PRICKLE2: variants seen among roughly 807,000 people sequenced by gnomAD.
PRICKLE2 encodes prickle planar cell polarity protein 2.
PRICKLE2 carries 21 observed loss-of-function variants against 81.4 expected under a neutral mutation model. That is an observed-to-expected ratio of 0.26 (90% CI 0.18 to 0.37). PRICKLE2 has a LOEUF of 0.37. Among genes scored for constraint, PRICKLE2 ranks in the 10% least tolerant of loss-of-function variants. PRICKLE2 has a pLI of 1.00. For synonymous variants in PRICKLE2, 456 were observed against 421.5 expected, an observed-to-expected ratio of 1.08 and a Z score of -1.00; for missense variants, 940 against 1,109.0, an observed-to-expected ratio of 0.85 and a Z score of 2.16.
At chr3:64,202,208 T>C (rs1390117001) in intron 1 of PRICKLE2, among the ~76,000 whole-genome samples, 1 of 152,230 alleles carries the variant, frequency 6.6e-6, no homozygotes, top group Non-Finnish European at 1.5e-5. Context: ...AAAAAACTGT[T>C]TTGGCTCTTC....
intron 2 of PRICKLE2, among the ~76,000 whole-genome samples, chr3:64,185,666 C>G (rs1490764012): frequency 6.6e-6 from 1 of 152,194 alleles, no homozygotes; most frequent in African/African-American, 2.4e-5. Context: ...AAAGACTTAG[C>G]TACTCCCTGA....
chr3:64,122,519 A>G (rs1409617711), intron 7 of PRICKLE2, among the ~76,000 whole-genome samples: 1 of 152,208 alleles, frequency 6.6e-6, no homozygotes, highest in Non-Finnish European at 1.5e-5. Flanking sequence ...GATCCAAAAA[A>G]TGACTGCTTT....
intron 2 of PRICKLE2, among the ~76,000 whole-genome samples, chr3:64,181,287 A>G (rs2078128656): frequency 6.6e-6 from 1 of 152,114 alleles, no homozygotes; most frequent in African/African-American, 2.4e-5. Flanking sequence ...AACAATTGTG[A>G]GAGACAAGCA....
At chr3:64,130,377 G>A (rs754010135) in intron 7 of PRICKLE2, among the ~76,000 whole-genome samples, 17 of 152,216 alleles carry the variant, frequency 1.1e-4, no homozygotes, top group Admixed American at 9.2e-4. Context: ...TAACTTGCCC[G>A]CGGCCACAGA....
intron 7 of PRICKLE2, among the ~76,000 whole-genome samples, chr3:64,130,808 G>A (rs1329400658): frequency 1.3e-5 from 2 of 152,138 alleles, no homozygotes; most frequent in Non-Finnish European, 2.9e-5. Flanking sequence ...TTGGGGGTGG[G>A]GTCCAGGTAT....
At chr3:64,132,407 G>A (rs1379016963) in intron 7 of PRICKLE2, among the ~76,000 whole-genome samples, 3 of 152,158 alleles carry the variant, frequency 2.0e-5, no homozygotes, top group South Asian at 4.1e-4. Flanking sequence ...CTGCTAGGCT[G>A]CAGCTTGGCT....
intron 2 of PRICKLE2, among the ~76,000 whole-genome samples, chr3:64,256,225 C>T (rs1385593587): frequency 6.6e-6 from 1 of 152,062 alleles, no homozygotes; most frequent in Non-Finnish European, 1.5e-5. Context: ...TCTATATGGC[C>T]CAGGAGCTAA....
Position 64,157,156 on chromosome 3 carries a change from T to C in PRICKLE2, c.600+6A>G, listed in dbSNP as rs1351160159. Reference sequence around the variant, plus strand: ...GGCAGGTAAACCTGCTGGAGTTTGCTCTAACCTCATCGCAGGCAGCACAGC... The same window carrying C: ...GGCAGGTAAACCTGCTGGAGTTTGCCCTAACCTCATCGCAGGCAGCACAGC... On this transcript the variant is annotated splice_donor_region_variant and intron_variant, in intron 5 of 7. Coordinates refer to ENST00000638394, the MANE Select transcript of PRICKLE2 (RefSeq NM_198859.4). The C allele has an allele frequency of 6.2e-7, 1 of 1,613,634 alleles. No homozygotes were observed. The highest frequency in any genetic ancestry group is 8.5e-7 in the Non-Finnish European group (1 of 1,179,674).
intron 3 of PRICKLE2, among the ~76,000 whole-genome samples, chr3:64,162,413 C>T (rs562997529): frequency 3.3e-5 from 5 of 152,106 alleles, no homozygotes; most frequent in Admixed American, 6.5e-5. Context: ...AAGAGATGCC[C>T]GCTTACAGTG....
chr3:64,110,772 G>A (rs1210172290), intron 7 of PRICKLE2, among the ~76,000 whole-genome samples: 2 of 151,958 alleles, frequency 1.3e-5, no homozygotes, highest in South Asian at 2.1e-4. Context: ...GAGCAAGGAG[G>A]ACAGCAGCAG....
At chr3:64,265,186 A>G (rs929906980) in intron 2 of PRICKLE2, among the ~76,000 whole-genome samples, 3 of 152,208 alleles carry the variant, frequency 2.0e-5, no homozygotes, top group Admixed American at 6.5e-5. Flanking sequence ...AACAAACAAA[A>G]AAAACTGAAT....
intron 1 of PRICKLE2, among the ~76,000 whole-genome samples, chr3:64,205,766 T>A (rs2078677216): frequency 6.6e-6 from 1 of 152,178 alleles, no homozygotes; most frequent in Non-Finnish European, 1.5e-5. Flanking sequence ...GAAAATACAT[T>A]TTGTAAAAGA....
chr3:64,112,754 C>G (rs2076869752), intron 7 of PRICKLE2, among the ~76,000 whole-genome samples: 4 of 152,172 alleles, frequency 2.6e-5, no homozygotes, highest in African/African-American at 9.7e-5. Flanking sequence ...TATTTTCAAA[C>G]TGTGCATCAG....
At chr3:64,149,780 C>T (rs2107020183) in intron 6 of PRICKLE2, among the ~76,000 whole-genome samples, 1 of 152,212 alleles carries the variant, frequency 6.6e-6, no homozygotes, top group Non-Finnish European at 1.5e-5. Context: ...TCAATGGAGC[C>T]CAGGGAGAGA....
chr3:64,130,084 T>A (rs1214450713), intron 7 of PRICKLE2, among the ~76,000 whole-genome samples: 1 of 152,242 alleles, frequency 6.6e-6, no homozygotes, highest in Non-Finnish European at 1.5e-5. Flanking sequence ...TCACTAGCTG[T>A]GTGACCTTAA....
intron 2 of PRICKLE2, among the ~76,000 whole-genome samples, chr3:64,175,929 C>A (rs1163371250): frequency 6.6e-6 from 1 of 152,092 alleles, no homozygotes; most frequent in East Asian, 1.9e-4. Context: ...TGGCCTAGGA[C>A]TGGTTTGGCA....
rs370842489 is a variant in PRICKLE2, at chr3:64,192,969, G to A, written c.144+5815C>T. ...GAGTTTCATGGAGCAGCAAGGACGA[G>A]AACTAATATAAAATCCACTTGCATC... On this transcript the variant is annotated intron_variant, in intron 2 of 7. Coordinates refer to ENST00000638394, the MANE Select transcript of PRICKLE2 (RefSeq NM_198859.4). Among the ~76,000 whole-genome samples, 22 of 152,260 alleles carry A rather than the reference G, an allele frequency of 1.4e-4. No homozygotes were observed. The East Asian group carries it at 3.9e-3, about 27-fold the overall frequency.
At chr3:64,126,614 G>C (rs182851093) in intron 7 of PRICKLE2, among the ~76,000 whole-genome samples, 1 of 152,196 alleles carries the variant, frequency 6.6e-6, no homozygotes, top group Non-Finnish European at 1.5e-5. Flanking sequence ...GTCTTGCTCT[G>C]TTGCCCAGGC....
chr3:64,135,615 G>A (rs973361198), intron 7 of PRICKLE2, among the ~76,000 whole-genome samples: 1 of 151,980 alleles, frequency 6.6e-6, no homozygotes, highest in Non-Finnish European at 1.5e-5. Flanking sequence ...TCCCAGAGAT[G>A]TGTGATGGTC....
Sources: allele counts gnomAD v4.1 joint callset (sites outside exome capture counted in the v4.1 genomes callset), GRCh38; gene constraint gnomAD v4.1.1; transcripts MANE v1.5; gene names NCBI Gene and HGNC (gene_info 2026-07-23, HGNC 2026-07-21).